Variants in CFAP221 observed in about 807,000 individuals in gnomAD.
CFAP221 encodes cilia- and flagella-associated protein 221.
In CFAP221, 97 loss-of-function variants were observed where a neutral mutation model predicts 113.1. That is an observed-to-expected ratio of 0.86 (90% CI 0.73 to 1.02). The LOEUF (loss-of-function observed/expected upper bound fraction) is 1.02, where lower values mean the gene tolerates loss of function less well. Ranked by LOEUF, CFAP221 falls within the 50% of genes least tolerant of loss-of-function variation. The pLI is 0.00. For missense variants in CFAP221, 1,025 were observed against 1,013.4 expected, an observed-to-expected ratio of 1.01 and a Z score of -0.16; for synonymous variants, 331 against 354.4, an observed-to-expected ratio of 0.93 and a Z score of 0.74.
chr2:119,628,339 TTCTC>T (rs910044908), intron 16 of CFAP221, among the ~76,000 whole-genome samples: 5 of 42,428 alleles, frequency 1.2e-4, no homozygotes, highest in Non-Finnish European at 2.1e-4. Flanking sequence ...GTGTGTATCT[TTCTC>T]TCTTGGGGTA....
intron 6 of CFAP221, 138 bp downstream of exon 6, chr2:119,562,252 G>GA (rs768666833): frequency 5.5e-4 from 95 of 171,286 alleles, no homozygotes; most frequent in South Asian, 3.7e-3. Flanking sequence ...ATTGTAAAAG[G>GA]CAAAAAAAAA....
At chr2:119,656,168 A>G (rs1688421795) in intron 23 of CFAP221, 194 bp from the exon 24 acceptor site, 1 of 539,336 alleles carries the variant, frequency 1.9e-6, no homozygotes, top group African/African-American at 1.9e-5. Context: ...AGCTGAGGCC[A>G]GAAGCCAGGT....
chr2:119,602,850 TTTGTA>T (rs1264387635), intron 8 of CFAP221: 1 of 877,644 alleles, frequency 1.1e-6, no homozygotes, highest in Non-Finnish European at 1.4e-6. Context: ...GCGATTTTTA[TTTGTA>T]TATCCTTCCA....
At chr2:119,588,839 C>T (rs1159345828) in intron 7 of CFAP221, among the ~76,000 whole-genome samples, 1 of 152,104 alleles carries the variant, frequency 6.6e-6, no homozygotes, top group African/African-American at 2.4e-5. Context: ...GGGTGTTATA[C>T]ATTTGTACAG....
At chr2:119,565,178 C>A (rs777464045) in intron 6 of CFAP221, among the ~76,000 whole-genome samples, 1 of 152,196 alleles carries the variant, frequency 6.6e-6, no homozygotes, top group Non-Finnish European at 1.5e-5. Flanking sequence ...CACTCACCAA[C>A]CCTTCCTGTG....
intron 8 of CFAP221, among the ~76,000 whole-genome samples, chr2:119,603,609 T>G (rs941731962): frequency 1.3e-5 from 2 of 152,262 alleles, no homozygotes; most frequent in Admixed American, 1.3e-4. Flanking sequence ...ATCTTATTTT[T>G]GTACTGTCAT....
At chr2:119,556,834 G>C (rs1025103748) in intron 3 of CFAP221, among the ~76,000 whole-genome samples, 2 of 152,092 alleles carry the variant, frequency 1.3e-5, no homozygotes, top group Admixed American at 6.6e-5. Context: ...TTACAGGTGT[G>C]AGCCACTGTG....
intron 6 of CFAP221, among the ~76,000 whole-genome samples, chr2:119,564,328 T>C (rs1681472356): frequency 6.6e-6 from 1 of 152,184 alleles, no homozygotes; most frequent in Admixed American, 6.5e-5. Context: ...AGTGAGACAG[T>C]AAGCTTCTCA....
chr2:119,613,532 A>C (rs1685320955), intron 13 of CFAP221, among the ~76,000 whole-genome samples: 1 of 152,220 alleles, frequency 6.6e-6, no homozygotes, highest in South Asian at 2.1e-4. Context: ...CACCATGTGG[A>C]AGCTGCCAAG....
chr2:119,595,924 G>C (rs1683934643), intron 7 of CFAP221, among the ~76,000 whole-genome samples: 1 of 151,918 alleles, frequency 6.6e-6, no homozygotes, highest in Non-Finnish European at 1.5e-5. Flanking sequence ...TGCAAGGCTG[G>C]AACAGGCTCG....
chr2:119,631,538 G>C (rs1028223847), intron 19 of CFAP221, among the ~76,000 whole-genome samples: 1 of 152,074 alleles, frequency 6.6e-6, no homozygotes, highest in Non-Finnish European at 1.5e-5. Context: ...AGCCAAACGC[G>C]GTGGCACCTG....
At chr2:119,555,398 C>T (rs917931694) in intron 3 of CFAP221, among the ~76,000 whole-genome samples, 2 of 152,096 alleles carry the variant, frequency 1.3e-5, no homozygotes, top group African/African-American at 4.8e-5. Flanking sequence ...CTAAGGGTAA[C>T]GCTGGATTAC....
At chr2:119,643,684 C>T (rs1021554683) in intron 21 of CFAP221, among the ~76,000 whole-genome samples, 2 of 152,142 alleles carry the variant, frequency 1.3e-5, no homozygotes, top group African/African-American at 2.4e-5. Flanking sequence ...GCTAGGACTA[C>T]AGGCGTGGGC....
chr2:119,594,161 C>T (rs2104638828), intron 7 of CFAP221, among the ~76,000 whole-genome samples: 1 of 152,194 alleles, frequency 6.6e-6, no homozygotes, highest in African/African-American at 2.4e-5. Flanking sequence ...GTGACTATTC[C>T]TGTGATGAGG....
chr2:119,612,961 G>A (rs1685280516), intron 13 of CFAP221, among the ~76,000 whole-genome samples: 1 of 152,198 alleles, frequency 6.6e-6, no homozygotes, highest in Admixed American at 6.5e-5. Flanking sequence ...AGATACAATG[G>A]GGGTACAGGC....
chr2:119,629,046 A>G (rs1266298703), intron 16 of CFAP221, among the ~76,000 whole-genome samples: 1 of 152,262 alleles, frequency 6.6e-6, no homozygotes, highest in Non-Finnish European at 1.5e-5. Flanking sequence ...AAAAGAATGA[A>G]TTAATTTATT....
At chr2:119,554,780 G>A (rs1680670825) in intron 3 of CFAP221, among the ~76,000 whole-genome samples, 1 of 152,170 alleles carries the variant, frequency 6.6e-6, no homozygotes, top group African/African-American at 2.4e-5. Context: ...AAATTTTAGA[G>A]TAAATGCATG....
intron 7 of CFAP221, among the ~76,000 whole-genome samples, chr2:119,595,471 G>T (rs893532401): frequency 6.6e-6 from 1 of 151,984 alleles, no homozygotes; most frequent in East Asian, 1.9e-4. Flanking sequence ...TTTGAAGAAG[G>T]GTAGTTGAGC....
intron 13 of CFAP221, among the ~76,000 whole-genome samples, chr2:119,613,148 T>TA (rs1685295045): frequency 6.6e-6 from 1 of 152,250 alleles, no homozygotes; most frequent in Non-Finnish European, 1.5e-5. Flanking sequence ...TGGGCTCCCA[T>TA]AGCCTTGGAC....
Sources: gnomAD v4.1 joint callset for allele counts (sites outside exome capture counted in the v4.1 genomes callset) on GRCh38, gnomAD v4.1.1 for gene constraint, MANE v1.5 for transcripts, NCBI Gene and HGNC (gene_info 2026-07-23, HGNC 2026-07-21) for gene names.